CYP2B6: variants seen among roughly 807,000 people sequenced by gnomAD.
CYP2B6 encodes cytochrome P450 2B6.
CYP2B6 carries 35 observed loss-of-function variants against 43.4 expected under a neutral mutation model. That is an observed-to-expected ratio of 0.81 (90% confidence interval 0.62 to 1.07). The LOEUF is 1.07. Among genes scored for constraint, CYP2B6 ranks in the 50% least tolerant of loss-of-function variants. The pLI, the probability that CYP2B6 is intolerant of heterozygous loss-of-function variation, is 0.00. For synonymous variants in CYP2B6, 239 were observed against 239.2 expected, an observed-to-expected ratio of 1.00 and a Z score of 0.01; for missense variants, 624 against 632.8, an observed-to-expected ratio of 0.99 and a Z score of 0.15.
chr19:41,005,569 C>G (rs935040601), intron 3 of CYP2B6, among the ~76,000 whole-genome samples: 2 of 151,944 alleles, frequency 1.3e-5, no homozygotes, highest in Non-Finnish European at 2.9e-5. Flanking sequence ...TCATTTGAGG[C>G]CAGCAGTTCA....
chr19:41,011,756 T>C (rs1294703010), intron 6 of CYP2B6, among the ~76,000 whole-genome samples: 1 of 152,120 alleles, frequency 6.6e-6, no homozygotes, highest in Non-Finnish European at 1.5e-5. Flanking sequence ...TGTGTGTGTG[T>C]GTACCTGGGC....
chr19:40,999,241 T>A (rs1235236574), intron 1 of CYP2B6, among the ~76,000 whole-genome samples: 1 of 152,198 alleles, frequency 6.6e-6, no homozygotes, highest in Non-Finnish European at 1.5e-5. Context: ...AAGTGTCTGT[T>A]CATGTCTTTC....
chr19:41,010,175 C>A, intron 6 of CYP2B6, 40 bp downstream of exon 6: 1 of 1,610,382 alleles, frequency 6.2e-7, no homozygotes, highest in Non-Finnish European at 8.5e-7. Context: ...CTTCTGACCT[C>A]CTTCTGAGCT....
At position 40,992,061 on chromosome 19, in the gene CYP2B6, G is replaced by A. The variant is rs572235797; in HGVS notation, c.171+585G>A. Among the ~76,000 whole-genome samples the A allele has an allele frequency of 1.0e-3, 157 of 152,026 alleles. 1 individual carries two copies. Among genetic ancestry groups the A allele is most frequent in the Admixed American group, 2.1e-3 (32 of 15,258 alleles). On this transcript the variant is annotated intron_variant, in intron 1 of 8. Transcript: ENST00000324071. ...TACTAAAAATACAAATATTAGCTGG[G>A]CATAGTGATGCGTGCCTGTAATCTC...
chr19:41,009,840 G>A (rs980304370), intron 5 of CYP2B6, 154 bp from the exon 6 acceptor site: 30 of 743,686 alleles, frequency 4.0e-5, no homozygotes, highest in Non-Finnish European at 6.1e-5. Context: ...TTAGAGATAC[G>A]CGGTTGGATG....
At chr19:40,999,713 G>A (rs1312430817) in intron 1 of CYP2B6, among the ~76,000 whole-genome samples, 1 of 152,054 alleles carries the variant, frequency 6.6e-6, no homozygotes, top group Admixed American at 6.6e-5. Context: ...TTTAGAGACA[G>A]GGTCTCAGTC....
At position 41,016,953 on chromosome 19, in the gene CYP2B6, C is replaced by G. The variant is rs996988645; in HGVS notation, c.*126C>G. On this transcript the variant is annotated 3_prime_UTR_variant, in exon 9 of 9. Transcript: ENST00000324071. ...ACCTGCTACAAGCCAGCTTCCTTCCCCTCCATGGCACCAGTTGTCTGAGGT... is the reference window on the plus strand; with the variant it reads ...ACCTGCTACAAGCCAGCTTCCTTCCGCTCCATGGCACCAGTTGTCTGAGGT... 1 of 950,064 alleles carries G rather than the reference C, an allele frequency of 1.1e-6. No homozygotes were observed. Among genetic ancestry groups the G allele is most frequent in the Non-Finnish European group, 1.6e-6 (1 of 636,196 alleles). 58.9% of individuals were successfully genotyped at this position (950,064 alleles called of 1,614,324 possible). A position where few individuals can be genotyped will look rare whatever the true frequency, so the allele number is the denominator to read the frequency against.
At chr19:41,002,918 A>C (rs1175482442) in intron 1 of CYP2B6, among the ~76,000 whole-genome samples, 1 of 152,096 alleles carries the variant, frequency 6.6e-6, no homozygotes, top group Non-Finnish European at 1.5e-5. Context: ...TCCACTCAAC[A>C]TTATGCCTGT....
intron 8 of CYP2B6, chr19:41,013,090 G>C: frequency 4.4e-6 from 2 of 454,670 alleles, no homozygotes; most frequent in South Asian, 4.2e-5. Context: ...GAAAAAATCT[G>C]TTGGGCACCA....
chr19:40,996,345 A>G (rs1185443500), intron 1 of CYP2B6, among the ~76,000 whole-genome samples: 1 of 152,192 alleles, frequency 6.6e-6, no homozygotes, highest in African/African-American at 2.4e-5. Flanking sequence ...TGAAACAAGT[A>G]CCTCTGTCAC....
chr19:41,013,641 G>A (rs947160189), intron 8 of CYP2B6, among the ~76,000 whole-genome samples: 11 of 152,234 alleles, frequency 7.2e-5, no homozygotes, highest in African/African-American at 2.4e-4. Context: ...TGCAGGAGGA[G>A]TTTGGATTTA....
chr19:41,010,615 A>G (rs149000595), intron 6 of CYP2B6, among the ~76,000 whole-genome samples: 192 of 152,024 alleles, frequency 1.3e-3, no homozygotes, highest in African/African-American at 4.5e-3. Flanking sequence ...GGGTTTAACC[A>G]TGTTAGCCAG....
chr19:40,997,173 G>A (rs1969010231), intron 1 of CYP2B6, among the ~76,000 whole-genome samples: 1 of 152,024 alleles, frequency 6.6e-6, no homozygotes, highest in Admixed American at 6.6e-5. Context: ...GGAGAGTGGA[G>A]GAGAGAGGGA....
intron 4 of CYP2B6, among the ~76,000 whole-genome samples, chr19:41,008,744 G>A (rs1479795756): frequency 2.6e-5 from 4 of 152,164 alleles, no homozygotes; most frequent in Non-Finnish European, 5.9e-5. Flanking sequence ...AATAAATTAG[G>A]CATTCCATTC....
intron 1 of CYP2B6, among the ~76,000 whole-genome samples, chr19:40,992,485 T>A (rs1394415475): frequency 3.3e-5 from 5 of 152,098 alleles, no homozygotes; most frequent in Admixed American, 3.3e-4. Flanking sequence ...ATGAGCCCAC[T>A]GGATGTACAA....
At chr19:40,995,621 C>T (rs1428015709) in intron 1 of CYP2B6, among the ~76,000 whole-genome samples, 1 of 152,176 alleles carries the variant, frequency 6.6e-6, no homozygotes, top group African/African-American at 2.4e-5. Context: ...TGAGTCATAT[C>T]AGAGTTTATA....
intron 1 of CYP2B6, among the ~76,000 whole-genome samples, chr19:41,002,630 C>T (rs1336972238): frequency 2.0e-5 from 3 of 152,238 alleles, no homozygotes; most frequent in East Asian, 3.9e-4. Flanking sequence ...TCACTGCAAC[C>T]TCCGCCTCCC....
chr19:41,010,409 G>GTTT lies in CYP2B6; in HGVS notation c.964+285_964+287dup, dbSNP rs57062123. On this transcript the variant is annotated intron_variant, in intron 6 of 8. Transcript: ENST00000324071. The stretch of plus-strand genomic sequence containing the variant: ...TTGTTTGTTTGTTTTTTGTTTTTTG[G>GTTT]TTTTTTTTTTTTTGTCTTTTTTGAG... 1.6e-3 allele frequency among the ~76,000 whole-genome samples: 225 copies of GTTT among 140,966 alleles called. 1 individual carries two copies. The highest frequency in any genetic ancestry group is 5.4e-3 in the African/African-American group (209 of 38,644). The allele number at this position is 140,966 out of a possible 152,430, so 92.5% of individuals were successfully genotyped here.
chr19:41,014,340 G>A (rs1438913224), intron 8 of CYP2B6, among the ~76,000 whole-genome samples: 11 of 150,000 alleles, frequency 7.3e-5, no homozygotes. Context: ...GAGTCTTCCT[G>A]TGTTGCCCAG....
Sources: allele counts gnomAD v4.1 joint callset (sites outside exome capture counted in the v4.1 genomes callset), GRCh38; gene constraint gnomAD v4.1.1; transcripts MANE v1.5; gene names NCBI Gene and HGNC (gene_info 2026-07-23, HGNC 2026-07-21).